Variants in FAIM2 observed in about 807,000 individuals in gnomAD.
FAIM2 encodes the protein protein lifeguard 2.
In FAIM2, 27 loss-of-function variants were observed where a neutral mutation model predicts 47.4. The observed-to-expected ratio is 0.57, with a 90% CI of 0.42 to 0.78. The LOEUF is 0.78. Ranked by LOEUF, FAIM2 falls within the 30% of genes least tolerant of loss-of-function variation. FAIM2 has a pLI of 0.00. For synonymous variants in FAIM2, 156 were observed against 159.3 expected (o/e 0.98, Z 0.16); for missense variants, 311 against 389.4 (o/e 0.80, Z 1.69).
At chr12:49,880,638 A>G (rs918198416) in intron 11 of FAIM2, among the ~76,000 whole-genome samples, 5 of 138,052 alleles carry the variant, frequency 3.6e-5, no homozygotes, top group African/African-American at 5.5e-5. Flanking sequence ...GTGTATATAT[A>G]TGCATGTGTA....
intron 11 of FAIM2, among the ~76,000 whole-genome samples, chr12:49,881,132 A>G (rs1176207843): frequency 1.3e-5 from 2 of 152,152 alleles, no homozygotes; most frequent in South Asian, 2.1e-4. Context: ...TCCAAATGCC[A>G]TTAGGCTTGC....
chr12:49,890,936 T>G, intron 6 of FAIM2, 128 bp downstream of exon 6: 1 of 973,456 alleles, frequency 1.0e-6, no homozygotes, highest in Non-Finnish European at 1.7e-6. Flanking sequence ...GCCTGCTCGA[T>G]AGAGGCCCAG....
Position 49,897,502 on chromosome 12 carries a change from C to T in FAIM2, c.380+17G>A. On this transcript the variant is annotated intron_variant, in intron 4 of 11. Coordinates refer to ENST00000320634, the MANE Select transcript of FAIM2 (RefSeq NM_012306.4). ...ATAGTCATCCCTGGAAGGTGCTGGTCCATGCTGCCAACTCACCAGAAAGTA... is the reference window on the plus strand; with the variant it reads ...ATAGTCATCCCTGGAAGGTGCTGGTTCATGCTGCCAACTCACCAGAAAGTA... 1 of 1,612,772 alleles carries T rather than the reference C, an allele frequency of 6.2e-7. No individual in the cohort carries two copies. The highest frequency in any genetic ancestry group is 1.1e-5 in the South Asian group (1 of 91,028).
intron 1 of FAIM2, 181 bp from the exon 2 acceptor site, chr12:49,901,506 G>C (rs1445934352): frequency 3.4e-5 from 18 of 526,986 alleles, no homozygotes; most frequent in South Asian, 1.5e-4. Context: ...GCTCCAGAGG[G>C]GTCAGAGCTA....
In FAIM2 at chr12:49,878,351, TGCATGTGTGTATATGTGG is replaced by T. The variant is rs1449840861; in HGVS notation, c.802-7716_802-7699del. Among the ~76,000 whole-genome samples, 2 of 137,036 alleles carry T rather than the reference TGCATGTGTGTATATGTGG, an allele frequency of 1.5e-5. 1 individual carries two copies. The highest frequency in any genetic ancestry group is 3.1e-5 in the Non-Finnish European group (2 of 64,498). The allele number at this position is 137,036 out of a possible 152,430, so 89.9% of individuals were successfully genotyped here. ...TTGTGTGCATGTGAGTGTATGTGTGTGCATGTGTGTATATGTGGGCATGTGCATGTGTGTATATGTGTG... is the reference window on the plus strand; with the variant it reads ...TTGTGTGCATGTGAGTGTATGTGTGTGCATGTGCATGTGTGTATATGTGTG... On this transcript the variant is annotated intron_variant, in intron 11 of 11. Transcript: ENST00000320634.
chr12:49,878,021 TGA>T (rs1344261337), intron 11 of FAIM2, among the ~76,000 whole-genome samples: 3 of 151,334 alleles, frequency 2.0e-5, no homozygotes, highest in Admixed American at 6.6e-5. Flanking sequence ...TGTGTATGTG[TGA>T]GTGTGGGTAT....
intron 6 of FAIM2, 54 bp from the exon 7 acceptor site, chr12:49,890,776 C>T (rs1946894724): frequency 2.0e-6 from 3 of 1,530,996 alleles, no homozygotes; most frequent in Non-Finnish European, 1.8e-6. Flanking sequence ...GGCAGTGGAC[C>T]CAGGCTGTGA....
At chr12:49,870,704 A>T in intron 11 of FAIM2, 51 bp from the exon 12 acceptor site, 1 of 1,593,428 alleles carries the variant, frequency 6.3e-7, no homozygotes, top group Non-Finnish European at 8.6e-7. Flanking sequence ...AGGCAGTGTG[A>T]CACTGACTAT....
intron 5 of FAIM2, among the ~76,000 whole-genome samples, chr12:49,893,602 C>T (rs192131112): frequency 1.4e-4 from 22 of 152,254 alleles, no homozygotes; most frequent in Middle Eastern, 3.4e-3. Context: ...CCCAAAAAAA[C>T]GAAACAAGAG....
intron 2 of FAIM2, chr12:49,900,195 TCAGGGGTCTGCGCC>T (rs1169480402): frequency 2.3e-6 from 3 of 1,287,728 alleles, no homozygotes. Flanking sequence ...GGGTGAGTCT[TCAGGGGTCTGCGCC>T]CAGGGGATTT....
intron 11 of FAIM2, among the ~76,000 whole-genome samples, chr12:49,882,785 C>T (rs1946835260): frequency 6.6e-6 from 1 of 152,184 alleles, no homozygotes; most frequent in African/African-American, 2.4e-5. Flanking sequence ...ATGCCACAAA[C>T]ATCTCCTGGG....
At chr12:49,879,168 G>A (rs1029182161) in intron 11 of FAIM2, among the ~76,000 whole-genome samples, 2 of 136,636 alleles carry the variant, frequency 1.5e-5, no homozygotes, top group Non-Finnish European at 3.1e-5. Flanking sequence ...GTATGTGTGT[G>A]TGCATGAGTG....
At chr12:49,870,771 C>A (rs1292545743) in intron 11 of FAIM2, 118 bp from the exon 12 acceptor site, 3 of 931,856 alleles carry the variant, frequency 3.2e-6, no homozygotes, top group Non-Finnish European at 3.2e-6. Context: ...TCACCAGCTG[C>A]CTGACTACCC....
chr12:49,900,994 C>T, intron 2 of FAIM2, 136 bp downstream of exon 2: 1 of 634,946 alleles, frequency 1.6e-6, no homozygotes, highest in Non-Finnish European at 2.5e-6. Flanking sequence ...TTCTCCAAAT[C>T]CTAAGCATCT....
intron 2 of FAIM2, chr12:49,900,406 G>A (rs371595979): frequency 1.2e-4 from 31 of 269,222 alleles, no homozygotes; most frequent in Middle Eastern, 1.3e-3. Context: ...GAAGCTATAC[G>A]TTCCTGGCCC....
intron 11 of FAIM2, among the ~76,000 whole-genome samples, chr12:49,878,418 G>GTGTA (rs1946760734): frequency 2.4e-5 from 2 of 83,784 alleles, no homozygotes; most frequent in African/African-American, 1.6e-4. Context: ...GTGAGTGTAT[G>GTGTA]TGTGTGTATA....
chr12:49,872,829 C>T (rs149223889), intron 11 of FAIM2, among the ~76,000 whole-genome samples: 1 of 152,302 alleles, frequency 6.6e-6, no homozygotes, highest in East Asian at 1.9e-4. Context: ...GGGAGATGAG[C>T]GTGCCTGCCT....
At chr12:49,871,689 A>G (rs1425918805) in intron 11 of FAIM2, among the ~76,000 whole-genome samples, 1 of 146,434 alleles carries the variant, frequency 6.8e-6, no homozygotes, top group Non-Finnish European at 1.5e-5. Flanking sequence ...TTTTTGAGAC[A>G]GAGTTTCGCT....
chr12:49,870,248 C>T lies in FAIM2; in HGVS notation c.*256G>A, dbSNP rs1316607423. 5 of 387,948 alleles carry T rather than the reference C, an allele frequency of 1.3e-5. No homozygotes were observed. The highest frequency in any genetic ancestry group is 2.4e-5 in the Non-Finnish European group (5 of 211,750). 24.0% of individuals were successfully genotyped at this position (387,948 alleles called of 1,614,324 possible). ...GGACCCTCAAACCCAGAGGAGCCTT[C>T]AGCCTTGACCGTCCCAGTTTGGAAG... On this transcript the variant is annotated 3_prime_UTR_variant, in exon 12 of 12. Transcript: ENST00000320634.
Sources: allele counts gnomAD v4.1 joint callset (sites outside exome capture counted in the v4.1 genomes callset), GRCh38; gene constraint gnomAD v4.1.1; transcripts MANE v1.5; gene names NCBI Gene and HGNC (gene_info 2026-07-23, HGNC 2026-07-21).